PCDHGB4: variants seen among roughly 807,000 people sequenced by gnomAD.
PCDHGB4 encodes protocadherin gamma subfamily B, 4, also known as protocadherin gamma-B4.
PCDHGB4 carries 38 observed loss-of-function variants against 60.5 expected under a neutral mutation model. The ratio of observed to expected loss-of-function variants is 0.63; its 90% confidence interval spans 0.48 to 0.82. The LOEUF is 0.82. Ranked by LOEUF, PCDHGB4 falls within the 40% of genes least tolerant of loss-of-function variation. The pLI is 0.00. For synonymous variants in PCDHGB4, 456 were observed against 509.7 expected (o/e 0.89, Z 1.42); for missense variants, 1,109 against 1,209.6 (o/e 0.92, Z 1.23).
Position 141,511,375 on chromosome 5 carries a change from A to G in PCDHGB4, c.*202A>G. 2 of 1,236,730 alleles carry G rather than the reference A, an allele frequency of 1.6e-6. No individual in the cohort carries two copies. The highest frequency in any genetic ancestry group is 2.2e-6 in the Non-Finnish European group (2 of 912,840). 76.6% of individuals were successfully genotyped at this position (1,236,730 alleles called of 1,614,324 possible). A position where few individuals can be genotyped will look rare whatever the true frequency, so the allele number is the denominator to read the frequency against. On this transcript the variant is annotated 3_prime_UTR_variant, in exon 4 of 4. Coordinates refer to ENST00000519479, the MANE Select transcript of PCDHGB4 (RefSeq NM_003736.4). ...CCCAGGGGGTTGAATATGCAAAAGCAGTTCCGCTGGGAACCCCCATCCAAT... is the reference window on the plus strand; with the variant it reads ...CCCAGGGGGTTGAATATGCAAAAGCGGTTCCGCTGGGAACCCCCATCCAAT...
intron 1 of PCDHGB4, among the ~76,000 whole-genome samples, chr5:141,454,065 G>A (rs1167102666): frequency 1.3e-5 from 2 of 152,204 alleles, no homozygotes; most frequent in Non-Finnish European, 2.9e-5. Flanking sequence ...AGAAACAAAA[G>A]TGATAATGTT....
At position 141,388,977 on chromosome 5, in the gene PCDHGB4, G is replaced by A. The variant is rs1299469066; in HGVS notation, c.1093G>A (p.Ala365Thr). Residue 365 changes from alanine to threonine, a missense_variant, in exon 1 of 4, where the codon GCT (alanine) becomes ACT (threonine). By Grantham distance (58) the Ala-to-Thr change is moderately conservative. Coordinates refer to ENST00000519479, the MANE Select transcript of PCDHGB4 (RefSeq NM_003736.4). ...MEDAELGTHI[A>T]LLKVRDKDSR... ...GGACGCCGAGCTGGGAACACATATTGCTTTGCTCAAAGTCCGTGACAAGGA... is the reference window on the plus strand; with the variant it reads ...GGACGCCGAGCTGGGAACACATATTACTTTGCTCAAAGTCCGTGACAAGGA... 1 of 1,613,990 alleles carries A rather than the reference G, an allele frequency of 6.2e-7. No homozygotes were observed. The highest frequency in any genetic ancestry group is 1.3e-5 in the African/African-American group (1 of 75,042).
intron 1 of PCDHGB4, chr5:141,400,090 A>G: frequency 6.2e-7 from 1 of 1,614,064 alleles, no homozygotes; most frequent in Non-Finnish European, 8.5e-7. Context: ...CGCCACCGCC[A>G]CGCTGCACTT....
chr5:141,435,792 A>G (rs2097780110), intron 1 of PCDHGB4, among the ~76,000 whole-genome samples: 1 of 152,074 alleles, frequency 6.6e-6, no homozygotes, highest in South Asian at 2.1e-4. Context: ...AGGGAAACAT[A>G]ACGTCCCAAT....
intron 1 of PCDHGB4, among the ~76,000 whole-genome samples, chr5:141,397,282 T>A (rs2150702726): frequency 6.6e-6 from 1 of 152,350 alleles, no homozygotes; most frequent in South Asian, 2.1e-4. Context: ...ATGGGCAGTA[T>A]ACTTGAATGA....
intron 1 of PCDHGB4, chr5:141,408,935 G>C (rs773802276): frequency 6.2e-7 from 1 of 1,613,472 alleles, no homozygotes; most frequent in Non-Finnish European, 8.5e-7. Context: ...TTTCAGCAGA[G>C]ACGAATATAG....
At position 141,388,083 on chromosome 5, in the gene PCDHGB4, C is replaced by A. The variant is rs942656707; in HGVS notation, c.199C>A (p.Arg67Ser). 2 of 1,358,264 alleles carry A rather than the reference C, an allele frequency of 1.5e-6. No individual in the cohort carries two copies. Among genetic ancestry groups the A allele is most frequent in the South Asian group, 1.3e-5 (1 of 75,052 alleles). 84.1% of individuals were successfully genotyped at this position (1,358,264 alleles called of 1,614,324 possible). The change falls in exon 1 of 4, where the codon CGC becomes AGC. Residue 67 changes from arginine (R) to serine (S), a missense_variant. Physicochemically the swap from Arg to Ser is moderately radical, Grantham distance 110. Around this residue, in one of 2 missense-constraint regions of PCDHGB4, gnomAD observed 41 missense variants for 119.7 expected, o/e 0.34. Coordinates refer to ENST00000519479, the MANE Select transcript of PCDHGB4 (RefSeq NM_003736.4). ...CCAGGAGTTACCGACTCGAAAACTGCGCGTCAGTTCGGAGAAGCCTTACTT... is the reference window on the plus strand; with the variant it reads ...CCAGGAGTTACCGACTCGAAAACTGAGCGTCAGTTCGGAGAAGCCTTACTT... Reference protein sequence around the residue: ...SVQELPTRKLRVSSEKPYFTV... With the variant: ...SVQELPTRKLSVSSEKPYFTV...
chr5:141,490,906 G>A lies in PCDHGB4; in HGVS notation c.2398-3901G>A, dbSNP rs2099705910. 1 of 1,613,798 alleles carries A rather than the reference G, an allele frequency of 6.2e-7. No individual in the cohort carries two copies. Among genetic ancestry groups the A allele is most frequent in the Non-Finnish European group, 8.5e-7 (1 of 1,179,808 alleles). ...CACATCTCTGCATGTGTTTGTCCTA[G>A]ACGAGAATGATAATGCCCCAGCTGT... On this transcript the variant is annotated intron_variant, in intron 1 of 3. Coordinates refer to ENST00000519479, the MANE Select transcript of PCDHGB4 (RefSeq NM_003736.4). The surrounding 1 kb of genome is among the most constrained non-coding windows in gnomAD (Gnocchi z 5.4).
Position 141,477,678 on chromosome 5 carries a change from C to T in PCDHGB4, c.2398-17129C>T, listed in dbSNP as rs967769574. ...AATCGTGACAATGGCATAGTGTCAT[C>T]CTTAGTGCCCCTAGACTATGAGGAT... On this transcript the variant is annotated intron_variant, in intron 1 of 3. Coordinates refer to ENST00000519479, the MANE Select transcript of PCDHGB4 (RefSeq NM_003736.4). This position sits in a 1 kb window ranked among gnomAD's most constrained non-coding sequence, Gnocchi z 4.9. 9.9e-6 allele frequency: 16 copies of T among 1,614,182 alleles called. No homozygotes were observed. The highest frequency in any genetic ancestry group is 1.1e-5 in the Non-Finnish European group (13 of 1,180,046).
rs1243112302 is a variant in PCDHGB4, at chr5:141,476,738, C to G, written c.2398-18069C>G. 6.2e-7 allele frequency: 1 copy of G among 1,614,076 alleles called. No homozygotes were observed. Among genetic ancestry groups the G allele is most frequent in the Non-Finnish European group, 8.5e-7 (1 of 1,180,028 alleles). On this transcript the variant is annotated intron_variant, in intron 1 of 3. Transcript: ENST00000519479. This position sits in a 1 kb window ranked among gnomAD's most constrained non-coding sequence, Gnocchi z 7.6. ...GCGCGCCCTGGACCGAGAACGGGAG[C>G]CTAGTCTCCAGTTAGTGCTGACGGC...
chr5:141,416,109 A>C (rs1365438751), intron 1 of PCDHGB4: 5 of 157,286 alleles, frequency 3.2e-5, no homozygotes, highest in African/African-American at 1.2e-4. Context: ...GCCTTTTTCA[A>C]ACTACATTTT....
chr5:141,486,803 C>T lies in PCDHGB4; in HGVS notation c.2398-8004C>T. 1 of 1,614,228 alleles carries T rather than the reference C, an allele frequency of 6.2e-7. No homozygotes were observed. Among genetic ancestry groups the T allele is most frequent in the South Asian group, 1.1e-5 (1 of 91,084 alleles). ...GCAGGCCCGGGATCGGGGCAACCCACCCCTTAGCAGCACTGTAACAGTTCG... is the reference window on the plus strand; with the variant it reads ...GCAGGCCCGGGATCGGGGCAACCCATCCCTTAGCAGCACTGTAACAGTTCG... On this transcript the variant is annotated intron_variant, in intron 1 of 3. Coordinates refer to ENST00000519479, the MANE Select transcript of PCDHGB4 (RefSeq NM_003736.4). The surrounding 1 kb of genome is among the most constrained non-coding windows in gnomAD (Gnocchi z 5.0).
At chr5:141,483,082 C>T (rs2099576709) in intron 1 of PCDHGB4, among the ~76,000 whole-genome samples, 1 of 151,662 alleles carries the variant, frequency 6.6e-6, no homozygotes, top group African/African-American at 2.4e-5. Flanking sequence ...GAGACTCCAT[C>T]TCAAAAAAAA....
At chr5:141,481,240 T>G (rs1323124277) in intron 1 of PCDHGB4, among the ~76,000 whole-genome samples, 1 of 152,208 alleles carries the variant, frequency 6.6e-6, no homozygotes, top group Non-Finnish European at 1.5e-5. Flanking sequence ...AAGTATTACA[T>G]AGCATAGCTC....
At position 141,490,543 on chromosome 5, in the gene PCDHGB4, C is replaced by T; in HGVS notation, c.2398-4264C>T. 2 of 1,614,188 alleles carry T rather than the reference C, an allele frequency of 1.2e-6. No homozygotes were observed. Among genetic ancestry groups the T allele is most frequent in the Non-Finnish European group, 8.5e-7 (1 of 1,180,024 alleles). On this transcript the variant is annotated intron_variant, in intron 1 of 3. Transcript: ENST00000519479. The surrounding 1 kb of genome is among the most constrained non-coding windows in gnomAD (Gnocchi z 5.4). ...CAGCGATGCTGGTTCACCTTCCCTA[C>T]ACAAACATCTCACCATCAGGCTCAA...
chr5:141,428,349 G>A (rs555622676), intron 1 of PCDHGB4: 93 of 583,074 alleles, frequency 1.6e-4, no homozygotes, highest in African/African-American at 1.5e-3. Flanking sequence ...TCCTCGCAGT[G>A]ATTTTGGCGG....
intron 1 of PCDHGB4, among the ~76,000 whole-genome samples, chr5:141,467,695 T>C (rs1189395935): frequency 6.6e-6 from 1 of 152,142 alleles, no homozygotes; most frequent in Non-Finnish European, 1.5e-5. Flanking sequence ...AGGGTCTGGC[T>C]CTGTTGCCCA....
At position 141,486,679 on chromosome 5, in the gene PCDHGB4, A is replaced by G. The variant is rs1416879364; in HGVS notation, c.2398-8128A>G. The G allele has an allele frequency of 6.2e-7, 1 of 1,614,092 alleles. No individual in the cohort carries two copies. The highest frequency in any genetic ancestry group is 1.7e-5 in the Admixed American group (1 of 60,026). On this transcript the variant is annotated intron_variant, in intron 1 of 3. Coordinates refer to ENST00000519479, the MANE Select transcript of PCDHGB4 (RefSeq NM_003736.4). The surrounding 1 kb of genome is among the most constrained non-coding windows in gnomAD (Gnocchi z 5.0). Reference sequence around the variant, plus strand: ...TCCTGGAGCCCAGGAATCGAGATGTATCAGCTTCCTCTTTCATCTCTCTGA... The same window carrying G: ...TCCTGGAGCCCAGGAATCGAGATGTGTCAGCTTCCTCTTTCATCTCTCTGA...
rs2099606006 is a variant in PCDHGB4, at chr5:141,485,058, G to A, written c.2398-9749G>A. Reference sequence around the variant, plus strand: ...TAACCCTTGCGGCGCCGGCCGAACCGCGCCAGAGCTGGCGCGGGGAAAGGG... The same window carrying A: ...TAACCCTTGCGGCGCCGGCCGAACCACGCCAGAGCTGGCGCGGGGAAAGGG... On this transcript the variant is annotated intron_variant, in intron 1 of 3. Coordinates refer to ENST00000519479, the MANE Select transcript of PCDHGB4 (RefSeq NM_003736.4). The surrounding 1 kb of genome is among the most constrained non-coding windows in gnomAD (Gnocchi z 5.7). 1 of 848,828 alleles carries A rather than the reference G, an allele frequency of 1.2e-6. No individual in the cohort carries two copies. The highest frequency in any genetic ancestry group is 1.9e-6 in the Non-Finnish European group (1 of 529,084). The allele number at this position is 848,828 out of a possible 1,614,324, so 52.6% of individuals were successfully genotyped here.
Sources: allele counts gnomAD v4.1 joint callset (sites outside exome capture counted in the v4.1 genomes callset), GRCh38; gene constraint gnomAD v4.1.1; regional missense constraint gnomAD v4.1.1; non-coding constraint Gnocchi (gnomAD v3.1); transcripts MANE v1.5; gene names NCBI Gene and HGNC (gene_info 2026-07-23, HGNC 2026-07-21).